Variants in GRID2 observed in about 807,000 individuals in gnomAD.
GRID2 encodes glutamate receptor ionotropic, delta-2.
Under a neutral mutation model 114.8 loss-of-function variants are expected in GRID2, and 33 were observed. The ratio of observed to expected loss-of-function variants is 0.29; its 90% CI spans 0.22 to 0.38. GRID2 has a LOEUF of 0.38. Ranked by LOEUF, GRID2 falls within the 10% of genes least tolerant of loss-of-function variation. The probability of loss-of-function intolerance (pLI) is 1.00; values close to 1 mark genes in which losing one functional copy is unlikely to be tolerated. For missense variants in GRID2, 1,184 were observed against 1,257.7 expected, an observed-to-expected ratio of 0.94 and a Z score of 0.89; for synonymous variants, 505 against 449.9, an observed-to-expected ratio of 1.12 and a Z score of -1.55.
chr4:92,466,830 A>ATATG (rs1553938068), intron 1 of GRID2, among the ~76,000 whole-genome samples: 6 of 151,108 alleles, frequency 4.0e-5, no homozygotes, highest in Admixed American at 2.0e-4. Flanking sequence ...ATATATATAT[A>ATATG]TGTGTGTGTG....
At chr4:93,618,334 G>T (rs544752481) in intron 13 of GRID2, among the ~76,000 whole-genome samples, 2 of 151,988 alleles carry the variant, frequency 1.3e-5, no homozygotes, top group Admixed American at 6.6e-5. Flanking sequence ...TTCCCTTTCC[G>T]ACTGTGGAAC....
chr4:92,360,357 A>T (rs1438841011), intron 1 of GRID2, among the ~76,000 whole-genome samples: 1 of 151,862 alleles, frequency 6.6e-6, no homozygotes, highest in East Asian at 1.9e-4. Flanking sequence ...AATTGTTTTG[A>T]TTCTTCTAGG....
At chr4:92,496,939 T>C (rs193192068) in intron 1 of GRID2, among the ~76,000 whole-genome samples, 1 of 151,864 alleles carries the variant, frequency 6.6e-6, no homozygotes, top group Admixed American at 6.6e-5. Flanking sequence ...GCTAAGTTAT[T>C]TGTTTCTAGT....
chr4:93,009,675 G>C (rs1301013588), intron 2 of GRID2, among the ~76,000 whole-genome samples: 3 of 152,010 alleles, frequency 2.0e-5, no homozygotes, highest in Non-Finnish European at 4.4e-5. Flanking sequence ...ATTGTTGTTT[G>C]TTTGTTTGTT....
chr4:93,285,370 A>G (rs775120353), intron 8 of GRID2, among the ~76,000 whole-genome samples: 6 of 152,082 alleles, frequency 3.9e-5, no homozygotes, highest in Non-Finnish European at 5.9e-5. Flanking sequence ...ATTTCTGTGT[A>G]AGAAAAATAG....
At chr4:93,770,931 T>A (rs1220863503) in intron 15 of GRID2, among the ~76,000 whole-genome samples, 2 of 152,170 alleles carry the variant, frequency 1.3e-5, no homozygotes, top group Non-Finnish European at 2.9e-5. Flanking sequence ...ATATTTTTTA[T>A]TGAATTTTGA....
intron 2 of GRID2, among the ~76,000 whole-genome samples, chr4:92,600,783 G>C (rs1209287547): frequency 6.6e-6 from 1 of 152,180 alleles, no homozygotes; most frequent in Non-Finnish European, 1.5e-5. Flanking sequence ...GTCGCAGAGG[G>C]AAACCGACCT....
rs143675553 is a variant in GRID2 at position 93,396,474 on chromosome 4, C to G, written c.1347+766C>G. Reference sequence around the variant, plus strand: ...GGATATGCTGGACAAAGGGATGAGTCACATCCAGGGCATGTCAGTGGGATG... The same window carrying G: ...GGATATGCTGGACAAAGGGATGAGTGACATCCAGGGCATGTCAGTGGGATG... On this transcript the variant is annotated intron_variant, in intron 9 of 15. Transcript: ENST00000282020. Among the ~76,000 whole-genome samples, 406 of 151,952 alleles carry G rather than the reference C, an allele frequency of 2.7e-3. 1 individual carries two copies. The highest frequency in any genetic ancestry group is 5.0e-3 in the Non-Finnish European group (342 of 67,894).
intron 14 of GRID2, among the ~76,000 whole-genome samples, chr4:93,675,096 T>G (rs187048190): frequency 1.3e-3 from 199 of 152,248 alleles, no homozygotes; most frequent in Admixed American, 4.2e-3. Flanking sequence ...TCAAATAAAT[T>G]TATAATTAAT....
At chr4:93,291,669 T>C (rs1385136366) in intron 8 of GRID2, among the ~76,000 whole-genome samples, 1 of 152,226 alleles carries the variant, frequency 6.6e-6, no homozygotes, top group Admixed American at 6.5e-5. Flanking sequence ...TATATACTTA[T>C]TTTGTTAGTG....
In GRID2 at chr4:92,903,316, T is replaced by C. The variant is rs753928468; in HGVS notation, c.245-181679T>C. Among the ~76,000 whole-genome samples the C allele has an allele frequency of 9.7e-4, 148 of 152,034 alleles. No individual in the cohort carries two copies. The Middle Eastern group carries it at 0.01, about 10-fold the overall frequency. On this transcript the variant is annotated intron_variant, in intron 2 of 15. Coordinates refer to ENST00000282020, the MANE Select transcript of GRID2 (RefSeq NM_001510.4). ...AATGTGAACTCAGGCAGATACTATG[T>C]GGGTTCTTAGGTTTTTATAAAATTG...
intron 2 of GRID2, among the ~76,000 whole-genome samples, chr4:92,738,409 C>T (rs1319353237): frequency 6.6e-6 from 1 of 152,020 alleles, no homozygotes; most frequent in African/African-American, 2.4e-5. Flanking sequence ...AAAATTTAGG[C>T]TGTTTCCTTG....
intron 1 of GRID2, among the ~76,000 whole-genome samples, chr4:92,489,798 A>G (rs1723067464): frequency 6.6e-6 from 1 of 151,084 alleles, no homozygotes; most frequent in Non-Finnish European, 1.5e-5. Context: ...GTGAGCCAAG[A>G]TTGTGCTACT....
chr4:92,309,997 TG>T (rs1725612206), intron 1 of GRID2, among the ~76,000 whole-genome samples: 1 of 151,684 alleles, frequency 6.6e-6, no homozygotes, highest in African/African-American at 2.4e-5. Context: ...AATAGAGTTG[TG>T]GGGAAAAAAA....
At chr4:92,872,791 A>G (rs1182902895) in intron 2 of GRID2, among the ~76,000 whole-genome samples, 1 of 152,242 alleles carries the variant, frequency 6.6e-6, no homozygotes, top group East Asian at 1.9e-4. Flanking sequence ...TACCATAGGG[A>G]AAGAATGTGT....
intron 1 of GRID2, among the ~76,000 whole-genome samples, chr4:93,800,811 T>A (rs563324438): frequency 2.5e-4 from 38 of 150,818 alleles, no homozygotes; most frequent in African/African-American, 7.9e-4. Flanking sequence ...GAATCAATTT[T>A]CTTTCTTTTA....
intron 13 of GRID2, among the ~76,000 whole-genome samples, chr4:93,539,296 T>G (rs1262666614): frequency 6.6e-6 from 1 of 152,014 alleles, no homozygotes; most frequent in Admixed American, 6.6e-5. Context: ...TTTAACAAAC[T>G]GTAATTACTT....
chr4:93,207,287 A>T (rs1742914852), intron 4 of GRID2, 117 bp from the exon 5 acceptor site: 2 of 768,562 alleles, frequency 2.6e-6, no homozygotes, highest in Admixed American at 3.8e-5. Flanking sequence ...TCAATTGAGT[A>T]ACAAAGACCT....
intron 1 of GRID2, among the ~76,000 whole-genome samples, chr4:92,359,149 G>T (rs1199795318): frequency 3.3e-5 from 5 of 151,770 alleles, no homozygotes; most frequent in African/African-American, 9.7e-5. Flanking sequence ...TTTGTTCTTT[G>T]TTCTTCTTTC....
Sources: allele counts gnomAD v4.1 joint callset (sites outside exome capture counted in the v4.1 genomes callset), GRCh38; gene constraint gnomAD v4.1.1; transcripts MANE v1.5; gene names NCBI Gene and HGNC (gene_info 2026-07-23, HGNC 2026-07-21).